The following MPHOSPH8 variants were observed in gnomAD, a reference collection of about 807,000 sequenced individuals.
MPHOSPH8 encodes the protein M-phase phosphoprotein 8, also known as M-phase phosphoprotein, mpp.
In MPHOSPH8, 45 loss-of-function variants were observed where a neutral mutation model predicts 87.3. The observed-to-expected ratio is 0.52, with a 90% CI of 0.41 to 0.66. MPHOSPH8 has a LOEUF of 0.66. Ranked by LOEUF, MPHOSPH8 falls within the 30% of genes least tolerant of loss-of-function variation. The pLI, the probability that MPHOSPH8 is intolerant of heterozygous loss-of-function variation, is 0.00. For synonymous variants in MPHOSPH8, 366 were observed against 376.9 expected (o/e 0.97, Z 0.33); for missense variants, 883 against 1,020.2 (o/e 0.87, Z 1.83).
chr13:19,636,693 C>T (rs1874027900), intron 1 of MPHOSPH8, among the ~76,000 whole-genome samples: 1 of 152,056 alleles, frequency 6.6e-6, no homozygotes, highest in Non-Finnish European at 1.5e-5. Flanking sequence ...CCATGCTGGC[C>T]TTGAACTCCT....
intron 1 of MPHOSPH8, among the ~76,000 whole-genome samples, chr13:19,636,978 G>A (rs1017500326): frequency 6.6e-6 from 1 of 152,110 alleles, no homozygotes; most frequent in African/African-American, 2.4e-5. Flanking sequence ...CAAAACCCTG[G>A]ACAATTTTTT....
intron 5 of MPHOSPH8, chr13:19,650,547 TCTTA>T: frequency 3.6e-6 from 1 of 279,426 alleles, no homozygotes. Context: ...CCATTTTATA[TCTTA>T]CTATTTAATA....
chr13:19,654,542 A>G (rs192095255), intron 5 of MPHOSPH8, among the ~76,000 whole-genome samples: 3 of 152,364 alleles, frequency 2.0e-5, no homozygotes, highest in Admixed American at 6.5e-5. Context: ...GGGTTTCTCA[A>G]ACCAAAGGCT....
intron 1 of MPHOSPH8, among the ~76,000 whole-genome samples, chr13:19,634,672 T>C (rs1464232259): frequency 6.6e-6 from 1 of 152,212 alleles, no homozygotes; most frequent in African/African-American, 2.4e-5. Context: ...GTGAGGAGCT[T>C]CTCATCTCTG....
chr13:19,648,192 G>A (rs1874667846), intron 3 of MPHOSPH8, among the ~76,000 whole-genome samples: 1 of 151,512 alleles, frequency 6.6e-6, no homozygotes, highest in Non-Finnish European at 1.5e-5. Context: ...CCTAAAAGAG[G>A]GTTGGAAAAC....
chr13:19,633,883 G>T lies in MPHOSPH8; in HGVS notation c.135G>T (p.Ala45=). 2 of 1,611,700 alleles carry T rather than the reference G, an allele frequency of 1.2e-6. No homozygotes were observed. The highest frequency in any genetic ancestry group is 1.1e-5 in the South Asian group (1 of 90,338). Residue 45 remains alanine, a synonymous_variant, in exon 1 of 14, where the codon GCG becomes GCT. Coordinates refer to ENST00000361479, the MANE Select transcript of MPHOSPH8 (RefSeq NM_017520.4). ...ATAATGACGCAGCCGCGAGAGGAGC[G>T]GAGGCCTTTGGCGACAGTGAGGAGG... ...GEDNDAAARG[A]EAFGDSEEDG...
At chr13:19,670,938 G>A in intron 12 of MPHOSPH8, 2 of 972,492 alleles carry the variant, frequency 2.1e-6, no homozygotes, top group Non-Finnish European at 2.9e-6. Context: ...TCCCACCTCA[G>A]CCTCCTAACT....
chr13:19,653,245 A>G lies in MPHOSPH8; in HGVS notation c.1576+2985A>G, dbSNP rs538294973. ...CTTCCAGAGGAAGGAACAGGCAGCA[A>G]TCTTTGCTGTTCTGCAGCTTCCGCT... On this transcript the variant is annotated intron_variant, in intron 5 of 13. Coordinates refer to ENST00000361479, the MANE Select transcript of MPHOSPH8 (RefSeq NM_017520.4). Among the ~76,000 whole-genome samples, 12 of 152,362 alleles carry G rather than the reference A, an allele frequency of 7.9e-5. No individual in the cohort carries two copies. In the East Asian group the frequency reaches 2.3e-3, roughly 29 times the overall value.
chr13:19,645,179 GCT>G (rs1161646384), intron 2 of MPHOSPH8, among the ~76,000 whole-genome samples: 1 of 152,154 alleles, frequency 6.6e-6, no homozygotes, highest in East Asian at 1.9e-4. Flanking sequence ...CCCCACAGCT[GCT>G]CTCTCAGGCA....
intron 3 of MPHOSPH8, among the ~76,000 whole-genome samples, chr13:19,648,122 T>G (rs1342002666): frequency 6.6e-6 from 1 of 151,868 alleles, no homozygotes; most frequent in East Asian, 1.9e-4. Context: ...CATGGTTGGT[T>G]AAGACTATGG....
intron 1 of MPHOSPH8, among the ~76,000 whole-genome samples, chr13:19,639,433 C>T (rs1384856605): frequency 1.3e-5 from 2 of 151,950 alleles, no homozygotes; most frequent in Non-Finnish European, 2.9e-5. Flanking sequence ...GCCTCAGGCT[C>T]CTGAGTAGCC....
In MPHOSPH8 at chr13:19,648,533, T is replaced by C; in HGVS notation, c.1318+12T>C. 1 of 1,413,772 alleles carries C rather than the reference T, an allele frequency of 7.1e-7. No individual in the cohort carries two copies. The highest frequency in any genetic ancestry group is 9.4e-7 in the Non-Finnish European group (1 of 1,059,162). 87.6% of individuals were successfully genotyped at this position (1,413,772 alleles called of 1,614,324 possible). On this transcript the variant is annotated intron_variant, in intron 4 of 13. Transcript: ENST00000361479. ...AAAAGGATTAAAGAGTGAGTGTAAA[T>C]ATTAACGTTTTGCCATTTACGTTGC...
At chr13:19,668,198 GGAC>G (rs1875920728) in intron 10 of MPHOSPH8, among the ~76,000 whole-genome samples, 176 bp from the exon 11 acceptor site, 1 of 152,202 alleles carries the variant, frequency 6.6e-6, no homozygotes, top group Non-Finnish European at 1.5e-5. Context: ...CCACTGAGAT[GGAC>G]AACAAGACAG....
Position 19,673,067 on chromosome 13 carries a change from A to AG in MPHOSPH8, c.*1192_*1193insG, listed in dbSNP as rs1373984488. 3.2e-5 allele frequency: 14 copies of AG among 441,722 alleles called. No individual in the cohort carries two copies. Among genetic ancestry groups the AG allele is most frequent in the African/African-American group, 2.7e-4 (13 of 48,376 alleles). 27.4% of individuals were successfully genotyped at this position (441,722 alleles called of 1,614,324 possible). On this transcript the variant is annotated 3_prime_UTR_variant, in exon 14 of 14. Coordinates refer to ENST00000361479, the MANE Select transcript of MPHOSPH8 (RefSeq NM_017520.4). Reference sequence around the variant, plus strand: ...GAGACCTTGTCTCAAAAAAAAAAAAAAGTTTCTTGGAACCTATACGGTTTT... The same window carrying AG: ...GAGACCTTGTCTCAAAAAAAAAAAAAGAGTTTCTTGGAACCTATACGGTTTT...
chr13:19,669,865 A>AATG (rs1206971982), intron 11 of MPHOSPH8, among the ~76,000 whole-genome samples: 1 of 152,198 alleles, frequency 6.6e-6, no homozygotes, highest in Non-Finnish European at 1.5e-5. Flanking sequence ...GGTATGTGGA[A>AATG]GAAAATGGAA....
intron 1 of MPHOSPH8, among the ~76,000 whole-genome samples, chr13:19,640,233 T>C (rs1264420964): frequency 6.6e-6 from 1 of 152,230 alleles, no homozygotes; most frequent in Non-Finnish European, 1.5e-5. Context: ...ATCTATAAAA[T>C]GGGTAATACT....
At chr13:19,635,804 C>T (rs954080258) in intron 1 of MPHOSPH8, among the ~76,000 whole-genome samples, 10 of 152,244 alleles carry the variant, frequency 6.6e-5, no homozygotes, top group African/African-American at 1.9e-4. Flanking sequence ...TGTGTCCCCA[C>T]CCAGAATCTC....
intron 2 of MPHOSPH8, among the ~76,000 whole-genome samples, chr13:19,645,722 G>A (rs568111300): frequency 6.8e-4 from 101 of 148,900 alleles, no homozygotes; most frequent in African/African-American, 2.4e-3. Context: ...TCCAGCCTGG[G>A]TGACAGAATG....
chr13:19,646,235 C>T (rs1874554884), intron 2 of MPHOSPH8, among the ~76,000 whole-genome samples: 1 of 152,130 alleles, frequency 6.6e-6, no homozygotes, highest in Admixed American at 6.5e-5. Flanking sequence ...CCCTGCCTTC[C>T]AGACTCACAC....
Sources: allele counts gnomAD v4.1 joint callset (sites outside exome capture counted in the v4.1 genomes callset), GRCh38; gene constraint gnomAD v4.1.1; transcripts MANE v1.5; gene names NCBI Gene and HGNC (gene_info 2026-07-23, HGNC 2026-07-21).